OPRD1: variants seen among roughly 807,000 people sequenced by gnomAD.
OPRD1 encodes delta-type opioid receptor.
Under a neutral mutation model 17.5 loss-of-function variants are expected in OPRD1, and 19 were observed. That is an observed-to-expected ratio of 1.09 (90% CI 0.76 to 1.60). OPRD1 has a LOEUF of 1.60. Among genes scored for constraint, OPRD1 ranks in the 40% most tolerant of loss-of-function variants. The pLI, the probability that OPRD1 is intolerant of heterozygous loss-of-function variation, is 0.00. For synonymous variants in OPRD1, 256 were observed against 240.9 expected (o/e 1.06, Z -0.58); for missense variants, 483 against 547.2 (o/e 0.88, Z 1.17).
chr1:28,859,619 TG>T (rs1274491165), intron 2 of OPRD1, among the ~76,000 whole-genome samples: 3 of 152,086 alleles, frequency 2.0e-5, no homozygotes, highest in Non-Finnish European at 2.9e-5. Context: ...TATGGATGGC[TG>T]GTTATGTACA....
At chr1:28,820,563 A>G (rs981708577) in intron 1 of OPRD1, among the ~76,000 whole-genome samples, 5 of 151,960 alleles carry the variant, frequency 3.3e-5, no homozygotes, top group African/African-American at 9.7e-5. Context: ...GCAGTGACTC[A>G]CGCCTGTAAT....
At position 28,812,514 on chromosome 1, in the gene OPRD1, C is replaced by G; in HGVS notation, c.131C>G (p.Ser44Trp). The G allele has an allele frequency of 5.7e-6, 9 of 1,573,454 alleles. No homozygotes were observed. The highest frequency in any genetic ancestry group is 7.7e-6 in the Non-Finnish European group (9 of 1,167,962). Residue 44 changes from serine (S) to tryptophan (W), a missense_variant, in exon 1 of 3, where the codon TCG becomes TGG. Physicochemically the swap from Ser to Trp is radical, Grantham distance 177. Coordinates refer to ENST00000234961, the MANE Select transcript of OPRD1 (RefSeq NM_000911.4). Reference protein sequence around the residue: ...ASGPPGARSASSLALAIAITA... With the variant: ...ASGPPGARSAWSLALAIAITA... The stretch of plus-strand genomic sequence containing the variant: ...GGGCCGCCAGGCGCGCGGAGCGCCT[C>G]GTCCCTCGCCCTGGCAATCGCCATC...
At chr1:28,828,687 T>TAAA (rs71027300) in intron 1 of OPRD1, among the ~76,000 whole-genome samples, 202 of 102,240 alleles carry the variant, frequency 2.0e-3, no homozygotes, top group East Asian at 2.7e-3. Context: ...CTCGATCTCT[T>TAAA]AAAAAAAAAA....
At chr1:28,835,330 T>C (rs2088843139) in intron 1 of OPRD1, among the ~76,000 whole-genome samples, 4 of 152,162 alleles carry the variant, frequency 2.6e-5, no homozygotes, top group African/African-American at 9.7e-5. Flanking sequence ...CTGTCCTGCT[T>C]CTTGTTGAGT....
At chr1:28,840,083 A>G (rs1469520960) in intron 1 of OPRD1, among the ~76,000 whole-genome samples, 1 of 152,142 alleles carries the variant, frequency 6.6e-6, no homozygotes, top group African/African-American at 2.4e-5. Flanking sequence ...GGGAGACAGC[A>G]TGAAGGGGAC....
chr1:28,838,789 C>A (rs1277611323), intron 1 of OPRD1, among the ~76,000 whole-genome samples: 1 of 152,136 alleles, frequency 6.6e-6, no homozygotes, highest in African/African-American at 2.4e-5. Flanking sequence ...TAAACCGAGG[C>A]TCAGAGAAGT....
At chr1:28,858,271 G>A (rs1185067584) in intron 1 of OPRD1, among the ~76,000 whole-genome samples, 2 of 147,212 alleles carry the variant, frequency 1.4e-5, no homozygotes, top group African/African-American at 5.0e-5. Flanking sequence ...CCACCATCAC[G>A]CCCGGCTATT....
rs999336782 is a variant in OPRD1, at chr1:28,863,158, C to T, written c.994C>T (p.Leu332Phe). 6.2e-7 allele frequency: 1 copy of T among 1,604,924 alleles called. No individual in the cohort carries two copies. The highest frequency in any genetic ancestry group is 8.5e-7 in the Non-Finnish European group (1 of 1,178,490). ...DENFKRCFRQ[L>F]CRKPCGRPDP... ...GAACTTCAAGCGCTGCTTCCGCCAG[C>T]TCTGCCGCAAGCCCTGCGGCCGCCC... The change falls in exon 3 of 3, where the codon CTC (leucine) becomes TTC (phenylalanine). Residue 332 changes from leucine to phenylalanine, a missense_variant. Leu to Phe is a conservative substitution (Grantham distance 22). Transcript: ENST00000234961.
intron 1 of OPRD1, 75 bp from the exon 2 acceptor site, chr1:28,858,879 A>C: frequency 7.2e-7 from 1 of 1,393,976 alleles, no homozygotes; most frequent in Non-Finnish European, 9.9e-7. Flanking sequence ...TAGGAAAGCT[A>C]CTTCCCTTCC....
intron 1 of OPRD1, among the ~76,000 whole-genome samples, chr1:28,813,246 C>A (rs1344312928): frequency 6.6e-6 from 1 of 152,212 alleles, no homozygotes; most frequent in African/African-American, 2.4e-5. Context: ...GAGTGGCCGT[C>A]GTCCCTGTGT....
chr1:28,856,930 G>A (rs550973766), intron 1 of OPRD1, among the ~76,000 whole-genome samples: 1 of 152,296 alleles, frequency 6.6e-6, no homozygotes, highest in Admixed American at 6.5e-5. Context: ...CTGCAGAGAG[G>A]TGAGTCCAGT....
chr1:28,853,916 T>C (rs2089032105), intron 1 of OPRD1, among the ~76,000 whole-genome samples: 1 of 151,954 alleles, frequency 6.6e-6, no homozygotes, highest in African/African-American at 2.4e-5. Context: ...AATTTTTGTA[T>C]TTTTTGTAGA....
rs953544014 is a variant in OPRD1, at chr1:28,858,998, T to C, written c.272T>C (p.Leu91Pro). Reference protein sequence around the residue: ...KTATNIYIFNLALADALATST... With the variant: ...KTATNIYIFNPALADALATST... Reference sequence around the variant, plus strand: ...GCCACCAACATCTACATCTTCAACCTGGCCTTAGCCGATGCGCTGGCCACC... The same window carrying C: ...GCCACCAACATCTACATCTTCAACCCGGCCTTAGCCGATGCGCTGGCCACC... The change falls in exon 2 of 3, where the codon CTG becomes CCG. Residue 91 changes from leucine to proline, a missense_variant. Coordinates refer to ENST00000234961, the MANE Select transcript of OPRD1 (RefSeq NM_000911.4). 1 of 1,613,628 alleles carries C rather than the reference T, an allele frequency of 6.2e-7. No individual in the cohort carries two copies. Among genetic ancestry groups the C allele is most frequent in the Non-Finnish European group, 8.5e-7 (1 of 1,180,042 alleles).
chr1:28,859,627 T>C (rs993785160), intron 2 of OPRD1, among the ~76,000 whole-genome samples: 1 of 152,098 alleles, frequency 6.6e-6, no homozygotes, highest in Admixed American at 6.6e-5. Context: ...GCTGGTTATG[T>C]ACATGTAGGT....
chr1:28,832,542 G>A (rs1045587936), intron 1 of OPRD1, among the ~76,000 whole-genome samples: 4 of 152,036 alleles, frequency 2.6e-5, no homozygotes, highest in African/African-American at 7.2e-5. Context: ...GTTTGAGCCC[G>A]GGAGCTGGCG....
At chr1:28,829,074 G>C (rs964366091) in intron 1 of OPRD1, among the ~76,000 whole-genome samples, 2 of 151,824 alleles carry the variant, frequency 1.3e-5, no homozygotes, top group African/African-American at 4.8e-5. Flanking sequence ...CTAGGAATGA[G>C]AGTCCTAGAT....
intron 1 of OPRD1, among the ~76,000 whole-genome samples, chr1:28,833,217 A>G (rs2088822882): frequency 6.6e-6 from 1 of 152,252 alleles, no homozygotes. Context: ...GCCTAAGGGC[A>G]CCTGGTTAGT....
In OPRD1 at chr1:28,862,734, CG is replaced by C. The variant is rs1035656134; in HGVS notation, c.578-6del. On this transcript the variant is annotated splice_polypyrimidine_tract_variant and splice_region_variant and intron_variant, in intron 2 of 2. Coordinates refer to ENST00000234961, the MANE Select transcript of OPRD1 (RefSeq NM_000911.4). Reference sequence around the variant, plus strand: ...CCCCGTCTGTCTTTCCTTGTTTCCGCGGCCCAGACGGGGCAGTGGTGTGCAT... The same window carrying C: ...CCCCGTCTGTCTTTCCTTGTTTCCGCGCCCAGACGGGGCAGTGGTGTGCAT... The C allele has an allele frequency of 1.1e-5, 17 of 1,579,532 alleles. No individual in the cohort carries two copies. The highest frequency in any genetic ancestry group is 1.5e-5 in the Non-Finnish European group (17 of 1,161,912).
At chr1:28,855,519 T>C (rs1483268252) in intron 1 of OPRD1, among the ~76,000 whole-genome samples, 1 of 146,304 alleles carries the variant, frequency 6.8e-6, no homozygotes, top group Non-Finnish European at 1.5e-5. Context: ...GAGTCTACGG[T>C]GGCCAGAAGG....
Sources: gnomAD v4.1 joint callset for allele counts (sites outside exome capture counted in the v4.1 genomes callset) on GRCh38, gnomAD v4.1.1 for gene constraint, MANE v1.5 for transcripts, NCBI Gene and HGNC (gene_info 2026-07-23, HGNC 2026-07-21) for gene names.